SLIT3: variants seen among roughly 807,000 people sequenced by gnomAD.
SLIT3 encodes the protein slit guidance ligand 3.
SLIT3 carries 68 observed loss-of-function variants against 184.0 expected under a neutral mutation model. That is an observed-to-expected ratio of 0.37 (90% CI 0.30 to 0.45). SLIT3 has a LOEUF of 0.45. Among genes scored for constraint, SLIT3 ranks in the 20% least tolerant of loss-of-function variants. The pLI is 1.00. For synonymous variants in SLIT3, 831 were observed against 828.6 expected (o/e 1.00, Z -0.05); for missense variants, 1,707 against 2,026.0 (o/e 0.84, Z 3.02).
intron 4 of SLIT3, among the ~76,000 whole-genome samples, chr5:169,032,683 A>T (rs1481706963): frequency 6.6e-6 from 1 of 151,120 alleles, no homozygotes; most frequent in African/African-American, 2.4e-5. Context: ...GTCCTAATTC[A>T]CATGAAAATA....
At chr5:169,178,166 G>T (rs1763040634) in intron 4 of SLIT3, among the ~76,000 whole-genome samples, 1 of 152,192 alleles carries the variant, frequency 6.6e-6, no homozygotes, top group Non-Finnish European at 1.5e-5. Context: ...TATCCCAGCT[G>T]GCCCAAACCA....
intron 4 of SLIT3, among the ~76,000 whole-genome samples, chr5:168,992,372 A>C (rs1204521118): frequency 6.6e-6 from 1 of 152,270 alleles, no homozygotes; most frequent in African/African-American, 2.4e-5. Context: ...AGGAGGAGAA[A>C]GAATTATGAT....
chr5:168,839,667 G>T (rs1758176339), intron 6 of SLIT3, among the ~76,000 whole-genome samples: 1 of 152,158 alleles, frequency 6.6e-6, no homozygotes, highest in Non-Finnish European at 1.5e-5. Context: ...CTAAGAGCCG[G>T]ATCATCCCTT....
chr5:168,939,007 A>G (rs1273841689), intron 4 of SLIT3, among the ~76,000 whole-genome samples: 3 of 152,200 alleles, frequency 2.0e-5, no homozygotes, highest in Non-Finnish European at 4.4e-5. Flanking sequence ...TGATAGAGCT[A>G]CAGATCCACT....
intron 4 of SLIT3, among the ~76,000 whole-genome samples, chr5:169,029,527 T>C (rs1367122838): frequency 6.6e-6 from 1 of 152,176 alleles, no homozygotes; most frequent in Non-Finnish European, 1.5e-5. Flanking sequence ...ACTAAGTTAA[T>C]TGGTGTGGCA....
chr5:169,119,996 T>G (rs1397966198), intron 4 of SLIT3: 2 of 152,210 alleles, frequency 1.3e-5, no homozygotes, highest in Non-Finnish European at 2.9e-5. Context: ...AAGCTCTTCA[T>G]AGCTACGTTC....
intron 4 of SLIT3, among the ~76,000 whole-genome samples, chr5:168,891,815 G>A (rs1472313972): frequency 6.6e-6 from 1 of 152,210 alleles, no homozygotes; most frequent in Admixed American, 6.5e-5. Context: ...TTTCTGGGCA[G>A]GTGTTCCAAA....
intron 4 of SLIT3, among the ~76,000 whole-genome samples, chr5:169,175,072 G>A (rs1221452860): frequency 6.6e-6 from 1 of 152,178 alleles, no homozygotes; most frequent in Non-Finnish European, 1.5e-5. Flanking sequence ...GCAGAGCTCT[G>A]AGGAATACCA....
intron 4 of SLIT3, among the ~76,000 whole-genome samples, chr5:169,065,975 A>AAAGTGTGC (rs1481954983): frequency 6.6e-6 from 1 of 152,216 alleles, no homozygotes; most frequent in Non-Finnish European, 1.5e-5. Context: ...TTACTAGCAA[A>AAAGTGTGC]AAGTGTGCAA....
intron 5 of SLIT3, 82 bp from the exon 6 acceptor site, chr5:168,844,737 CCCTCCA>C (rs1758396953): frequency 7.9e-7 from 1 of 1,261,770 alleles, no homozygotes; most frequent in Non-Finnish European, 1.2e-6. Flanking sequence ...GAGCGCCTGT[CCCTCCA>C]CCCCCTTGCA....
chr5:168,734,757 G>A (rs1057199702), intron 20 of SLIT3, among the ~76,000 whole-genome samples: 5 of 152,116 alleles, frequency 3.3e-5, no homozygotes, highest in Non-Finnish European at 5.9e-5. Context: ...ATTAATGTGG[G>A]CAGAATCATG....
At chr5:168,921,350 G>A (rs1318375616) in intron 4 of SLIT3, among the ~76,000 whole-genome samples, 2 of 152,096 alleles carry the variant, frequency 1.3e-5, no homozygotes, top group Admixed American at 6.6e-5. Context: ...AATGAAGAGG[G>A]CAATTTTCTG....
At chr5:169,131,781 G>A (rs2113316675) in intron 4 of SLIT3, among the ~76,000 whole-genome samples, 1 of 152,222 alleles carries the variant, frequency 6.6e-6, no homozygotes, top group East Asian at 1.9e-4. Flanking sequence ...CTCTACAATT[G>A]AGGCTGTAAA....
chr5:168,846,297 A>G (rs1054443439), intron 5 of SLIT3, among the ~76,000 whole-genome samples: 1 of 152,204 alleles, frequency 6.6e-6, no homozygotes, highest in Non-Finnish European at 1.5e-5. Flanking sequence ...CGAGTTCTGT[A>G]TCTAGTGTTC....
rs191223179 is a variant in SLIT3, at chr5:169,226,915, A to G, written c.341+17790T>C. On this transcript the variant is annotated intron_variant, in intron 3 of 35. Transcript: ENST00000519560. ...CATCTGCACCAAAGGGGATGCCTCA[A>G]TGAGATATATACTAAGGCTAGACTG... is the stretch of plus-strand genomic sequence containing the variant. Among the ~76,000 whole-genome samples, 590 of 151,332 alleles carry G rather than the reference A, an allele frequency of 3.9e-3. 4 individuals are homozygous for G. Among genetic ancestry groups the G allele is most frequent in the African/African-American group, 0.014 (562 of 40,610 alleles).
intron 4 of SLIT3, among the ~76,000 whole-genome samples, chr5:168,953,705 G>A (rs1047314306): frequency 5.3e-5 from 8 of 152,184 alleles, no homozygotes; most frequent in Non-Finnish European, 8.8e-5. Context: ...TGGCACATCC[G>A]TGGCAGATGC....
chr5:169,241,263 C>T (rs548308070), intron 3 of SLIT3, among the ~76,000 whole-genome samples: 1 of 152,276 alleles, frequency 6.6e-6, no homozygotes, highest in East Asian at 1.9e-4. Flanking sequence ...GTAGGTGATA[C>T]TTTGAGTTTC....
chr5:168,739,975 T>C (rs1002617635), intron 20 of SLIT3, among the ~76,000 whole-genome samples: 1 of 152,260 alleles, frequency 6.6e-6, no homozygotes, highest in African/African-American at 2.4e-5. Flanking sequence ...CATGGGTATA[T>C]AATTGTTACT....
At chr5:169,054,406 A>G (rs906246421) in intron 4 of SLIT3, among the ~76,000 whole-genome samples, 5 of 152,052 alleles carry the variant, frequency 3.3e-5, no homozygotes, top group Non-Finnish European at 5.9e-5. Flanking sequence ...TATCCTGCAG[A>G]ACTGTGAGAG....
Sources: allele counts gnomAD v4.1 joint callset (sites outside exome capture counted in the v4.1 genomes callset), GRCh38; gene constraint gnomAD v4.1.1; transcripts MANE v1.5; gene names NCBI Gene and HGNC (gene_info 2026-07-23, HGNC 2026-07-21).